PCDH15: variants seen among roughly 807,000 people sequenced by gnomAD.
PCDH15 encodes protocadherin related 15.
PCDH15 carries 129 observed loss-of-function variants against 178.5 expected under a neutral mutation model. That is an observed-to-expected ratio of 0.72 (90% CI 0.63 to 0.84). The LOEUF is 0.84. Ranked by LOEUF, PCDH15 falls within the 40% of genes least tolerant of loss-of-function variation. PCDH15 has a pLI of 0.00. For synonymous variants in PCDH15, 800 were observed against 732.0 expected, an observed-to-expected ratio of 1.09 and a Z score of -1.50; for missense variants, 2,230 against 2,099.9, an observed-to-expected ratio of 1.06 and a Z score of -1.21.
At chr10:55,556,758 T>C (rs1474055310) in intron 2 of PCDH15, among the ~76,000 whole-genome samples, 2 of 152,114 alleles carry the variant, frequency 1.3e-5, no homozygotes, top group African/African-American at 4.8e-5. Context: ...GGAGAATCGC[T>C]TGGACCCGGG....
intron 2 of PCDH15, among the ~76,000 whole-genome samples, chr10:55,598,642 A>G (rs1328615051): frequency 6.7e-6 from 1 of 150,144 alleles, no homozygotes; most frequent in Non-Finnish European, 1.5e-5. Context: ...TTCTACATCC[A>G]GAAATATCTC....
At chr10:55,289,013 T>C (rs1374495816) in intron 1 of PCDH15, among the ~76,000 whole-genome samples, 1 of 152,028 alleles carries the variant, frequency 6.6e-6, no homozygotes, top group East Asian at 1.9e-4. Flanking sequence ...TGCTATCATT[T>C]CTTTAATCAT....
At chr10:54,191,890 C>A (rs1293507284) in intron 11 of PCDH15, among the ~76,000 whole-genome samples, 2 of 149,174 alleles carry the variant, frequency 1.3e-5, no homozygotes, top group East Asian at 4.0e-4. Context: ...CGCTGCACTC[C>A]AGCCTGGGTG....
At chr10:55,208,780 A>G (rs1237887012) in intron 1 of PCDH15, among the ~76,000 whole-genome samples, 5 of 152,072 alleles carry the variant, frequency 3.3e-5, no homozygotes, top group African/African-American at 7.3e-5. Context: ...GCTTGACAAA[A>G]TGAATTGTTT....
chr10:54,818,436 C>A (rs1952982126), intron 3 of PCDH15, among the ~76,000 whole-genome samples: 1 of 151,954 alleles, frequency 6.6e-6, no homozygotes, highest in African/African-American at 2.4e-5. Context: ...GAGTGTATAA[C>A]CTCTTTCCTT....
intron 1 of PCDH15, among the ~76,000 whole-genome samples, chr10:54,667,014 A>G (rs2094583045): frequency 6.6e-6 from 1 of 152,004 alleles, no homozygotes; most frequent in Admixed American, 6.6e-5. Context: ...TGGCTCTGCA[A>G]GTTTTTAGAG....
chr10:54,786,027 C>G (rs368961797), intron 1 of PCDH15, among the ~76,000 whole-genome samples: 15 of 151,884 alleles, frequency 9.9e-5, no homozygotes, highest in East Asian at 9.7e-4. Context: ...ATTGAGTGTC[C>G]ACACTTATGA....
rs1221986030 is a variant in PCDH15 at position 55,261,992 on chromosome 10, G to A, written c.-156+57607C>T. Among the ~76,000 whole-genome samples, 6 of 144,536 alleles carry A rather than the reference G, an allele frequency of 4.2e-5. No homozygotes were observed. The South Asian group carries it at 1.5e-3, about 36-fold the overall frequency. The allele number at this position is 144,536 out of a possible 152,430, so 94.8% of individuals were successfully genotyped here. On this transcript the variant is annotated intron_variant, in intron 1 of 5. Coordinates refer to the PCDH15 transcript ENST00000458638. The stretch of plus-strand genomic sequence containing the variant: ...CATCTCAAATTCCATTTCACTGCTG[G>A]GAGAAAGAAAGAAAGAGAAGAAGAG...
At chr10:54,528,293 G>T in intron 2 of PCDH15, 1 of 1,212,784 alleles carries the variant, frequency 8.2e-7, no homozygotes, top group Non-Finnish European at 1.2e-6. Flanking sequence ...TAGAGAGAGT[G>T]AATAGAATTT....
At chr10:54,605,490 G>T (rs2134152871) in intron 2 of PCDH15, among the ~76,000 whole-genome samples, 1 of 152,110 alleles carries the variant, frequency 6.6e-6, no homozygotes, top group East Asian at 1.9e-4. Flanking sequence ...CAAAGTTTCT[G>T]CTGAAAATCC....
At chr10:54,186,186 AG>A (rs1420052914) in intron 11 of PCDH15, among the ~76,000 whole-genome samples, 2 of 152,034 alleles carry the variant, frequency 1.3e-5, no homozygotes, top group Non-Finnish European at 2.9e-5. Context: ...AAAGAGAGAA[AG>A]GAGTGATACA....
At chr10:54,109,534 T>C (rs970724461) in intron 15 of PCDH15, among the ~76,000 whole-genome samples, 13 of 152,214 alleles carry the variant, frequency 8.5e-5, no homozygotes, top group Admixed American at 7.2e-4. Flanking sequence ...ATGATTGATC[T>C]GGACATCATC....
At chr10:54,194,492 A>C (rs1387239125) in intron 11 of PCDH15, among the ~76,000 whole-genome samples, 1 of 152,148 alleles carries the variant, frequency 6.6e-6, no homozygotes, top group African/African-American at 2.4e-5. Context: ...AAGCACTGTT[A>C]AGGGAGAAAT....
chr10:54,998,836 G>A (rs1839716319), intron 2 of PCDH15, among the ~76,000 whole-genome samples: 1 of 152,026 alleles, frequency 6.6e-6, no homozygotes, highest in Non-Finnish European at 1.5e-5. Context: ...AATGCATTGT[G>A]GTATTTTGTA....
chr10:54,041,017 G>A (rs1304921240), intron 18 of PCDH15, among the ~76,000 whole-genome samples: 4 of 152,026 alleles, frequency 2.6e-5, no homozygotes, highest in Admixed American at 6.6e-5. Flanking sequence ...TGAAGTAGAC[G>A]TATATGCTTA....
chr10:53,842,509 A>G (rs1461498580), intron 28 of PCDH15, among the ~76,000 whole-genome samples: 1 of 152,136 alleles, frequency 6.6e-6, no homozygotes, highest in Non-Finnish European at 1.5e-5. Context: ...GGCCTTTCAA[A>G]GTGCTGGGAT....
At chr10:53,868,229 ATTTT>A (rs2079587782) in intron 26 of PCDH15, among the ~76,000 whole-genome samples, 1 of 151,930 alleles carries the variant, frequency 6.6e-6, no homozygotes. Context: ...AATGATTATT[ATTTT>A]TATTATCCGA....
chr10:54,514,891 T>C (rs548016463), intron 3 of PCDH15, among the ~76,000 whole-genome samples: 2 of 152,202 alleles, frequency 1.3e-5, no homozygotes, highest in East Asian at 1.9e-4. Flanking sequence ...TTTGTTATAA[T>C]AGTGTTCCAT....
chr10:55,428,364 A>T (rs1293092990), intron 2 of PCDH15, among the ~76,000 whole-genome samples: 1 of 151,772 alleles, frequency 6.6e-6, no homozygotes, highest in Non-Finnish European at 1.5e-5. Flanking sequence ...AATTCAGGAC[A>T]CTTATTGTAC....
Sources: allele counts gnomAD v4.1 joint callset (sites outside exome capture counted in the v4.1 genomes callset), GRCh38; gene constraint gnomAD v4.1.1; transcripts MANE v1.5; gene names NCBI Gene and HGNC (gene_info 2026-07-23, HGNC 2026-07-21).